The following PTPRK variants were observed in gnomAD, a reference collection of about 807,000 sequenced individuals.
PTPRK encodes protein tyrosine phosphatase receptor type K, also known as receptor-type tyrosine-protein phosphatase kappa.
A neutral mutation model predicts 178.0 loss-of-function variants in PTPRK; 75 were observed. The observed-to-expected ratio is 0.42, with a 90% CI of 0.35 to 0.51. The LOEUF is 0.51. Ranked by LOEUF, PTPRK falls within the 20% of genes least tolerant of loss-of-function variation. The pLI is 0.02. For synonymous variants in PTPRK, 637 were observed against 620.6 expected (o/e 1.03, Z -0.39); for missense variants, 1,441 against 1,797.8 (o/e 0.80, Z 3.59).
intron 1 of PTPRK, among the ~76,000 whole-genome samples, chr6:128,463,003 C>T (rs1849280465): frequency 6.6e-6 from 1 of 151,820 alleles, no homozygotes; most frequent in Non-Finnish European, 1.5e-5. Context: ...TTTTTTAGTC[C>T]CACATCTAGC....
rs755926882 is a variant in PTPRK at position 128,067,473 on chromosome 6, G to A, written c.2157+46C>T. 6 of 1,443,452 alleles carry A rather than the reference G, an allele frequency of 4.2e-6. No individual in the cohort carries two copies. In the African/African-American group the frequency reaches 7.1e-5, roughly 17 times the overall value. The allele number at this position is 1,443,452 out of a possible 1,614,324, so 89.4% of individuals were successfully genotyped here. A position where few individuals can be genotyped will look rare whatever the true frequency, so the allele number is the denominator to read the frequency against. Reference sequence around the variant, plus strand: ...TGAGTATTCATAAAATTTGACTTCAGCTTTTCTTCAAAGCAGGGAAAAAGC... The same window carrying A: ...TGAGTATTCATAAAATTTGACTTCAACTTTTCTTCAAAGCAGGGAAAAAGC... On this transcript the variant is annotated intron_variant, in intron 12 of 29. Coordinates refer to ENST00000368226, the MANE Select transcript of PTPRK (RefSeq NM_002844.4).
chr6:128,170,601 A>G (rs1172877098), intron 7 of PTPRK, among the ~76,000 whole-genome samples: 1 of 151,982 alleles, frequency 6.6e-6, no homozygotes, highest in African/African-American at 2.4e-5. Flanking sequence ...CCACCTTGGG[A>G]GCTAGCACTG....
Position 128,322,320 on chromosome 6 carries a change from C to G in PTPRK, c.224-10G>C. The G allele has an allele frequency of 6.5e-7, 1 of 1,549,810 alleles. No homozygotes were observed. Among genetic ancestry groups the G allele is most frequent in the Non-Finnish European group, 8.9e-7 (1 of 1,124,712 alleles). On this transcript the variant is annotated splice_polypyrimidine_tract_variant and intron_variant, in intron 2 of 29. Transcript: ENST00000368226. ...ACTATCATATAGGAACCTGAAATGACATTACAAATAATAATGCTAAAGAGA... is the reference window on the plus strand; with the variant it reads ...ACTATCATATAGGAACCTGAAATGAGATTACAAATAATAATGCTAAAGAGA...
chr6:128,501,631 T>TTTGTCCTA (rs1855574925), intron 1 of PTPRK, among the ~76,000 whole-genome samples: 1 of 152,202 alleles, frequency 6.6e-6, no homozygotes, highest in East Asian at 1.9e-4. Flanking sequence ...ATGAAATATT[T>TTTGTCCTA]TTGTCCTATA....
intron 2 of PTPRK, among the ~76,000 whole-genome samples, chr6:128,384,226 G>A (rs1838356455): frequency 6.6e-6 from 1 of 152,100 alleles, no homozygotes; most frequent in Admixed American, 6.6e-5. Context: ...TCATAGATAT[G>A]TTCCACACGC....
At chr6:128,421,470 A>G (rs1843473466) in intron 1 of PTPRK, among the ~76,000 whole-genome samples, 1 of 152,152 alleles carries the variant, frequency 6.6e-6, no homozygotes, top group Non-Finnish European at 1.5e-5. Context: ...TGTATTATTT[A>G]TTTTCCTTTT....
In PTPRK at chr6:127,991,355, A is replaced by G. The variant is rs768068004; in HGVS notation, c.2918T>C (p.Met973Thr). The G allele has an allele frequency of 6.2e-6, 10 of 1,602,534 alleles. No homozygotes were observed. The highest frequency in any genetic ancestry group is 8.5e-6 in the Non-Finnish European group (10 of 1,174,642). ...VHETVYDFWR[M>T]IWQEQSACIV... ...GCAAGCAGATTGTTCTTGCCAAATC[A>G]TCCTCCAGAAATCATACACTGTTTC... The change falls in exon 20 of 30, where the codon ATG becomes ACG. Residue 973 changes from methionine (M) to threonine (T), a missense_variant. Met to Thr is a moderately conservative substitution (Grantham distance 81, BLOSUM62 -1). Transcript: ENST00000368226.
Position 128,380,737 on chromosome 6 carries a change from T to C in PTPRK, c.223+16829A>G, listed in dbSNP as rs992308948. Among the ~76,000 whole-genome samples the C allele has an allele frequency of 1.2e-4, 19 of 152,218 alleles. 1 individual carries two copies. The highest frequency in any genetic ancestry group is 4.3e-4 in the African/African-American group (18 of 41,548). ...AAAGAGCAGAGAGAATTTATCCTTC[T>C]CTCATTCTTCAACAGACGTAACCAA... On this transcript the variant is annotated intron_variant, in intron 2 of 29. Transcript: ENST00000368226.
intron 7 of PTPRK, among the ~76,000 whole-genome samples, chr6:128,174,715 A>G (rs1419956015): frequency 6.6e-6 from 1 of 151,906 alleles, no homozygotes; most frequent in South Asian, 2.1e-4. Context: ...GAAACATTAC[A>G]TTAAATTACT....
chr6:128,141,903 T>C (rs2114513379), intron 7 of PTPRK, among the ~76,000 whole-genome samples: 1 of 152,050 alleles, frequency 6.6e-6, no homozygotes, highest in South Asian at 2.1e-4. Flanking sequence ...TATAAGACTG[T>C]TCGTTTTTAA....
intron 3 of PTPRK, among the ~76,000 whole-genome samples, chr6:128,246,898 T>C (rs1402268714): frequency 2.0e-5 from 3 of 152,226 alleles, no homozygotes; most frequent in Middle Eastern, 3.2e-3. Context: ...CCTGGATTAT[T>C]AACTAAATAA....
intron 1 of PTPRK, among the ~76,000 whole-genome samples, chr6:128,438,276 G>A (rs1036205319): frequency 2.6e-5 from 4 of 152,210 alleles, no homozygotes; most frequent in Non-Finnish European, 4.4e-5. Context: ...AAAATTCTGC[G>A]TGCCACTTTT....
intron 6 of PTPRK, among the ~76,000 whole-genome samples, chr6:128,189,309 G>A (rs1181533821): frequency 2.1e-5 from 3 of 143,768 alleles, no homozygotes; most frequent in African/African-American, 5.2e-5. Flanking sequence ...GAGCAGTCTC[G>A]GCTCACTGCA....
At chr6:128,326,115 A>C (rs1389010310) in intron 2 of PTPRK, among the ~76,000 whole-genome samples, 1 of 152,150 alleles carries the variant, frequency 6.6e-6, no homozygotes, top group Non-Finnish European at 1.5e-5. Flanking sequence ...TGGGAACTGA[A>C]CAATGAGAAC....
At chr6:128,060,066 A>C (rs1417154586) in intron 13 of PTPRK, among the ~76,000 whole-genome samples, 4 of 152,080 alleles carry the variant, frequency 2.6e-5, no homozygotes, top group African/African-American at 9.6e-5. Flanking sequence ...ATGAGAGCAG[A>C]GAGAGAGGTT....
At chr6:128,004,699 T>C (rs1778223464) in intron 15 of PTPRK, among the ~76,000 whole-genome samples, 2 of 151,806 alleles carry the variant, frequency 1.3e-5, no homozygotes, top group South Asian at 4.1e-4. Flanking sequence ...TTTCCTCTTA[T>C]CGCAAAAGAG....
At chr6:128,168,864 T>A (rs1328538942) in intron 7 of PTPRK, among the ~76,000 whole-genome samples, 1 of 152,050 alleles carries the variant, frequency 6.6e-6, no homozygotes, top group East Asian at 1.9e-4. Context: ...GATAAATGGA[T>A]AAAGAAATTG....
Position 127,970,146 on chromosome 6 carries a change from C to T in PTPRK, c.*81G>A. ...CCCCCCACATTAAAATCTTTCTGCA[C>T]AAGTGTAACAGGTACAACAGCTGCT... On this transcript the variant is annotated 3_prime_UTR_variant, in exon 30 of 30. Coordinates refer to ENST00000368226, the MANE Select transcript of PTPRK (RefSeq NM_002844.4). 8.9e-7 allele frequency: 1 copy of T among 1,119,632 alleles called. No homozygotes were observed. The highest frequency in any genetic ancestry group is 1.6e-5 in the South Asian group (1 of 63,910). The allele number at this position is 1,119,632 out of a possible 1,614,324, so 69.4% of individuals were successfully genotyped here. A position where few individuals can be genotyped will look rare whatever the true frequency, so the allele number is the denominator to read the frequency against.
chr6:128,308,169 A>G (rs1337160782), intron 3 of PTPRK, among the ~76,000 whole-genome samples: 1 of 152,142 alleles, frequency 6.6e-6, no homozygotes, highest in Non-Finnish European at 1.5e-5. Flanking sequence ...TATACAAATC[A>G]TGATACCATT....
Sources: allele counts gnomAD v4.1 joint callset (sites outside exome capture counted in the v4.1 genomes callset), GRCh38; gene constraint gnomAD v4.1.1; transcripts MANE v1.5; gene names NCBI Gene and HGNC (gene_info 2026-07-23, HGNC 2026-07-21).